Variants in WASF2 observed in about 807,000 individuals in gnomAD.
WASF2 encodes the protein actin-binding protein WASF2.
In WASF2, 14 loss-of-function variants were observed where a neutral mutation model predicts 45.0. That is an observed-to-expected ratio of 0.31 (90% CI 0.21 to 0.49). The LOEUF is 0.49. Ranked by LOEUF, WASF2 falls within the 20% of genes least tolerant of loss-of-function variation. The probability of loss-of-function intolerance (pLI) is 0.99; values close to 1 mark genes in which losing one functional copy is unlikely to be tolerated. For synonymous variants in WASF2, 200 were observed against 236.3 expected, an observed-to-expected ratio of 0.85 and a Z score of 1.41; for missense variants, 439 against 636.1, an observed-to-expected ratio of 0.69 and a Z score of 3.33.
chr1:27,428,986 T>G (rs988446994), intron 1 of WASF2, 53 bp from the exon 2 acceptor site: 58 of 1,221,492 alleles, frequency 4.7e-5, no homozygotes, highest in Non-Finnish European at 6.2e-5. Flanking sequence ...CCAGGCACAC[T>G]AGGGCTGTGT....
intron 1 of WASF2, among the ~76,000 whole-genome samples, chr1:27,445,555 G>C (rs1043924814): frequency 6.6e-6 from 1 of 152,142 alleles, no homozygotes; most frequent in Admixed American, 6.5e-5. Flanking sequence ...AAACTGAAAT[G>C]GTGTTAATGA....
intron 1 of WASF2, among the ~76,000 whole-genome samples, chr1:27,459,800 T>C (rs1473231489): frequency 6.6e-6 from 1 of 152,222 alleles, no homozygotes; most frequent in Non-Finnish European, 1.5e-5. Context: ...CCCTAGTGGA[T>C]ACATACTTGG....
intron 1 of WASF2, among the ~76,000 whole-genome samples, chr1:27,456,480 A>T (rs540728414): frequency 6.6e-6 from 1 of 152,272 alleles, no homozygotes; most frequent in African/African-American, 2.4e-5. Flanking sequence ...TCCATATCAG[A>T]TAGGCCAGGA....
In WASF2 at chr1:27,435,321, C is replaced by T. The variant is rs146275279; in HGVS notation, c.-43-6388G>A. ...GAGACTCGGGCCAGGCACAGTAGCT[C>T]GCACCTGTAATCCCAACACTTTGGG... On this transcript the variant is annotated intron_variant, in intron 1 of 8. Transcript: ENST00000618852. Among the ~76,000 whole-genome samples the T allele has an allele frequency of 4.6e-3, 698 of 152,152 alleles. 15 individuals are homozygous for T. The highest frequency in any genetic ancestry group is 0.016 in the East Asian group (81 of 5,178).
intron 2 of WASF2, among the ~76,000 whole-genome samples, chr1:27,423,388 G>T (rs1329916048): frequency 6.6e-6 from 1 of 152,086 alleles, no homozygotes. Context: ...GTTTCACCAT[G>T]TTGGCCAGGC....
At chr1:27,417,301 T>G (rs1479925888) in intron 4 of WASF2, among the ~76,000 whole-genome samples, 1 of 152,218 alleles carries the variant, frequency 6.6e-6, no homozygotes, top group African/African-American at 2.4e-5. Context: ...TAACGGAGGC[T>G]GCAGAGTCAA....
At chr1:27,471,162 A>G (rs112348739) in intron 1 of WASF2, among the ~76,000 whole-genome samples, 23,267 of 151,488 alleles carry the variant, frequency 0.15, 2,389 homozygotes, top group East Asian at 0.37. Context: ...GGCTAAAAAC[A>G]GTGAAACCCC....
intron 1 of WASF2, among the ~76,000 whole-genome samples, chr1:27,461,353 T>G (rs536965545): frequency 6.6e-6 from 1 of 151,792 alleles, no homozygotes; most frequent in Non-Finnish European, 1.5e-5. Context: ...ATTAATGAAT[T>G]AATTAAGACA....
chr1:27,422,805 C>T (rs2016927705), intron 2 of WASF2, among the ~76,000 whole-genome samples: 1 of 151,864 alleles, frequency 6.6e-6, no homozygotes, highest in South Asian at 2.1e-4. Flanking sequence ...CAATGAGATT[C>T]TTCCTTATAC....
intron 2 of WASF2, among the ~76,000 whole-genome samples, chr1:27,420,401 G>A (rs2016889146): frequency 6.6e-6 from 1 of 151,492 alleles, no homozygotes; most frequent in Admixed American, 6.6e-5. Flanking sequence ...AGAATTTGCA[G>A]CCAAAGAAAC....
At chr1:27,467,303 CGTTT>C (rs1312563718) in intron 1 of WASF2, among the ~76,000 whole-genome samples, 5 of 146,562 alleles carry the variant, frequency 3.4e-5, no homozygotes, top group East Asian at 2.0e-4. Flanking sequence ...TAAAGTTTTT[CGTTT>C]GTTTGTTTTC....
chr1:27,451,758 C>T (rs1557610987), intron 1 of WASF2, among the ~76,000 whole-genome samples: 2 of 152,186 alleles, frequency 1.3e-5, no homozygotes, highest in African/African-American at 4.8e-5. Flanking sequence ...AGACCAGGTA[C>T]ACTTTCTTCC....
At chr1:27,446,781 CAAAA>C (rs397938564) in intron 1 of WASF2, among the ~76,000 whole-genome samples, 11 of 121,450 alleles carry the variant, frequency 9.1e-5, no homozygotes, top group East Asian at 2.4e-4. Flanking sequence ...AGCCTGTCTC[CAAAA>C]AAAAAAAAAA....
At chr1:27,474,116 T>C (rs1259553040) in intron 1 of WASF2, among the ~76,000 whole-genome samples, 1 of 152,112 alleles carries the variant, frequency 6.6e-6, no homozygotes, top group Non-Finnish European at 1.5e-5. Flanking sequence ...TCATCAACAT[T>C]ATAACGCAAT....
chr1:27,483,783 G>A (rs1213258826), intron 1 of WASF2, among the ~76,000 whole-genome samples: 2 of 151,610 alleles, frequency 1.3e-5, no homozygotes, highest in South Asian at 4.2e-4. Flanking sequence ...GTTAGACCTC[G>A]TCTCTAAAAA....
chr1:27,411,026 C>T (rs2016754589), intron 7 of WASF2, among the ~76,000 whole-genome samples: 1 of 152,200 alleles, frequency 6.6e-6, no homozygotes, highest in African/African-American at 2.4e-5. Context: ...GAATTTTCCA[C>T]AGACCTTCCA....
Position 27,419,180 on chromosome 1 carries a change from C to T in WASF2, c.131-92G>A, listed in dbSNP as rs1026014352. The T allele has an allele frequency of 2.1e-6, 3 of 1,428,578 alleles. No individual in the cohort carries two copies. The African/African-American group carries it at 4.2e-5, about 20-fold the overall frequency. The allele number at this position is 1,428,578 out of a possible 1,614,324, so 88.5% of individuals were successfully genotyped here. A position where few individuals can be genotyped will look rare whatever the true frequency, so the allele number is the denominator to read the frequency against. On this transcript the variant is annotated intron_variant, in intron 2 of 8. Coordinates refer to ENST00000618852, the MANE Select transcript of WASF2 (RefSeq NM_006990.5). ...TACTAAAGATCGTGTTCCCTAACCCCCAAACACATACATATACACACACAT... is the reference window on the plus strand; with the variant it reads ...TACTAAAGATCGTGTTCCCTAACCCTCAAACACATACATATACACACACAT...
intron 1 of WASF2, among the ~76,000 whole-genome samples, chr1:27,472,223 C>A (rs545836220): frequency 6.7e-6 from 1 of 149,742 alleles, no homozygotes; most frequent in African/African-American, 2.5e-5. Flanking sequence ...CCCATCTACT[C>A]GAGAGGCAGG....
intron 1 of WASF2, among the ~76,000 whole-genome samples, chr1:27,457,542 C>T (rs937264388): frequency 1.3e-4 from 20 of 151,130 alleles, no homozygotes; most frequent in Admixed American, 2.0e-4. Flanking sequence ...TAAGACAAAA[C>T]GGATAGAAGA....
Sources: allele counts gnomAD v4.1 joint callset (sites outside exome capture counted in the v4.1 genomes callset), GRCh38; gene constraint gnomAD v4.1.1; transcripts MANE v1.5; gene names NCBI Gene and HGNC (gene_info 2026-07-23, HGNC 2026-07-21).